The following PDLIM5 variants were observed in gnomAD, a reference collection of about 807,000 sequenced individuals.
PDLIM5 encodes PDZ and LIM domain 5, also known as PDZ and LIM domain protein 5.
PDLIM5 carries 34 observed loss-of-function variants against 64.2 expected under a neutral mutation model. The ratio of observed to expected loss-of-function variants is 0.53; its 90% confidence interval spans 0.40 to 0.71. PDLIM5 has a LOEUF of 0.71. Among genes scored for constraint, PDLIM5 ranks in the 30% least tolerant of loss-of-function variants. The pLI is 0.00. For missense variants in PDLIM5, 683 were observed against 733.6 expected (o/e 0.93, Z 0.80); for synonymous variants, 253 against 269.1 (o/e 0.94, Z 0.59).
At chr4:94,594,655 T>G (rs1736925595) in intron 7 of PDLIM5, among the ~76,000 whole-genome samples, 1 of 152,088 alleles carries the variant, frequency 6.6e-6, no homozygotes, top group African/African-American at 2.4e-5. Context: ...ATATTTAAGT[T>G]AAAAAATGTT....
chr4:94,489,107 TGGA>T (rs1726615701), intron 2 of PDLIM5: 1 of 152,220 alleles, frequency 6.6e-6, no homozygotes, highest in Non-Finnish European at 1.5e-5. Flanking sequence ...TAAGTAGCCC[TGGA>T]AGATTTGGCA....
chr4:94,586,541 G>A (rs376692347), intron 7 of PDLIM5, 97 bp downstream of exon 7: 5 of 699,744 alleles, frequency 7.1e-6, no homozygotes, highest in Non-Finnish European at 1.2e-5. Context: ...ATGGCATTTC[G>A]TCTTTGCAGC....
chr4:94,558,221 G>T (rs2510770), intron 3 of PDLIM5, among the ~76,000 whole-genome samples: 1 of 151,976 alleles, frequency 6.6e-6, no homozygotes, highest in Non-Finnish European at 1.5e-5. Context: ...ATTGATTTGC[G>T]TATGTTGAAC....
chr4:94,640,674 G>A (rs977493176), intron 9 of PDLIM5, among the ~76,000 whole-genome samples: 2 of 152,170 alleles, frequency 1.3e-5, no homozygotes, highest in African/African-American at 2.4e-5. Context: ...AATTGCGTTC[G>A]TTATCAGTTA....
intron 8 of PDLIM5, among the ~76,000 whole-genome samples, chr4:94,625,972 A>G (rs1440633698): frequency 6.6e-6 from 1 of 152,210 alleles, no homozygotes; most frequent in Non-Finnish European, 1.5e-5. Flanking sequence ...ATTCTTTTTT[A>G]GAATATAAGT....
intron 7 of PDLIM5, chr4:94,587,491 A>G (rs1736330369): frequency 2.2e-6 from 2 of 897,152 alleles, no homozygotes; most frequent in Non-Finnish European, 2.7e-6. Flanking sequence ...AACATCTCCC[A>G]AGATTACTTT....
At chr4:94,618,919 C>T (rs901188102) in intron 8 of PDLIM5, among the ~76,000 whole-genome samples, 2 of 152,184 alleles carry the variant, frequency 1.3e-5, no homozygotes, top group African/African-American at 4.8e-5. Context: ...ATCTCAGACT[C>T]AGCCTTCATC....
chr4:94,599,454 G>A (rs1238124179), intron 7 of PDLIM5, among the ~76,000 whole-genome samples: 2 of 151,964 alleles, frequency 1.3e-5, no homozygotes, highest in Non-Finnish European at 2.9e-5. Context: ...TAGAATCGAG[G>A]GATAGCAGAC....
At chr4:94,604,463 G>A (rs1199626186) in intron 7 of PDLIM5, among the ~76,000 whole-genome samples, 7 of 152,034 alleles carry the variant, frequency 4.6e-5, no homozygotes, top group Admixed American at 1.3e-4. Context: ...GAGAAACCCC[G>A]TCTCTACTAA....
chr4:94,497,053 T>A (rs1727466138), intron 2 of PDLIM5, among the ~76,000 whole-genome samples: 1 of 152,186 alleles, frequency 6.6e-6, no homozygotes, highest in African/African-American at 2.4e-5. Context: ...TTTGACACTT[T>A]TAAGCTTACA....
intron 7 of PDLIM5, chr4:94,610,242 T>G: frequency 6.6e-7 from 1 of 1,518,878 alleles, no homozygotes; most frequent in South Asian, 1.2e-5. Context: ...CTGCTAGATA[T>G]AGTGCTGCAG....
intron 7 of PDLIM5, chr4:94,587,669 G>C (rs1278988917): frequency 2.0e-6 from 2 of 982,400 alleles, no homozygotes; most frequent in East Asian, 2.3e-4. Flanking sequence ...TGAAGAGGAG[G>C]AGGTCCAGAT....
In PDLIM5 at chr4:94,660,212, A is replaced by G. The variant is rs576239500; in HGVS notation, c.1586-2210A>G. Among the ~76,000 whole-genome samples, 10 of 152,150 alleles carry G rather than the reference A, an allele frequency of 6.6e-5. No homozygotes were observed. The East Asian group carries it at 1.6e-3, about 24-fold the overall frequency. On this transcript the variant is annotated intron_variant, in intron 11 of 12. Coordinates refer to ENST00000317968, the MANE Select transcript of PDLIM5 (RefSeq NM_006457.5). Reference sequence around the variant, plus strand: ...CGCGCCCGGCCAAATTACACTTTTGAAGGCCTGTTTTGCCATCCTTATCTC... The same window carrying G: ...CGCGCCCGGCCAAATTACACTTTTGGAGGCCTGTTTTGCCATCCTTATCTC...
chr4:94,582,947 A>G (rs1735856710), intron 5 of PDLIM5: 1 of 497,568 alleles, frequency 2.0e-6, no homozygotes, highest in Non-Finnish European at 3.6e-6. Context: ...TGAAAAACTT[A>G]GTAAGTTAAC....
At chr4:94,538,588 T>A (rs1731513327) in intron 3 of PDLIM5, among the ~76,000 whole-genome samples, 1 of 152,184 alleles carries the variant, frequency 6.6e-6, no homozygotes, top group African/African-American at 2.4e-5. Flanking sequence ...CTAATTACAA[T>A]GTTCTTTTAG....
intron 2 of PDLIM5, among the ~76,000 whole-genome samples, chr4:94,521,204 G>A (rs1729795463): frequency 6.6e-6 from 1 of 152,112 alleles, no homozygotes; most frequent in South Asian, 2.1e-4. Flanking sequence ...TTATAAATAG[G>A]GAGTTGATAT....
In PDLIM5 at chr4:94,532,211, A is replaced by G. The variant is rs976212346; in HGVS notation, c.248+8336A>G. The stretch of plus-strand genomic sequence containing the variant: ...TGAGATCATCATTACAGCAGTTACT[A>G]CTGTTACTACTTGAGCCATCATTCC... On this transcript the variant is annotated intron_variant, in intron 3 of 12. Transcript: ENST00000317968. Among the ~76,000 whole-genome samples, 8 of 152,180 alleles carry G rather than the reference A, an allele frequency of 5.3e-5. No homozygotes were observed. The East Asian group carries it at 1.5e-3, about 29-fold the overall frequency.
intron 3 of PDLIM5, among the ~76,000 whole-genome samples, chr4:94,556,963 G>T (rs543920148): frequency 1.4e-4 from 22 of 152,128 alleles, no homozygotes; most frequent in Non-Finnish European, 3.2e-4. Context: ...TGGTGTTTTC[G>T]TCAGGAAGTC....
chr4:94,633,704 G>A (rs1460798565), intron 8 of PDLIM5, among the ~76,000 whole-genome samples: 1 of 152,058 alleles, frequency 6.6e-6, no homozygotes, highest in African/African-American at 2.4e-5. Context: ...CAAAATAGAT[G>A]GTGACCCTGA....
Sources: allele counts gnomAD v4.1 joint callset (sites outside exome capture counted in the v4.1 genomes callset), GRCh38; gene constraint gnomAD v4.1.1; transcripts MANE v1.5; gene names NCBI Gene and HGNC (gene_info 2026-07-23, HGNC 2026-07-21).